ASTN1: variants seen among roughly 807,000 people sequenced by gnomAD.
ASTN1 encodes astrotactin 1, also known as astrotactin-1.
A neutral mutation model predicts 140.7 loss-of-function variants in ASTN1; 41 were observed. The observed-to-expected ratio is 0.29, with a 90% CI of 0.23 to 0.38. The LOEUF (loss-of-function observed/expected upper bound fraction) is 0.38, where lower values mean the gene tolerates loss of function less well. ASTN1 is among the 10% of genes least tolerant of loss of function. The pLI is 1.00. For missense variants in ASTN1, 1,479 were observed against 1,678.8 expected (o/e 0.88, Z 2.08); for synonymous variants, 640 against 652.2 (o/e 0.98, Z 0.29).
chr1:177,161,667 G>T (rs1300148733), intron 1 of ASTN1, among the ~76,000 whole-genome samples: 1 of 152,214 alleles, frequency 6.6e-6, no homozygotes, highest in Non-Finnish European at 1.5e-5. Flanking sequence ...CAATCAGAAT[G>T]AGAAGACCCT....
intron 11 of ASTN1, among the ~76,000 whole-genome samples, chr1:176,952,634 T>G (rs1672241349): frequency 6.6e-6 from 1 of 152,220 alleles, no homozygotes; most frequent in South Asian, 2.1e-4. Flanking sequence ...ATCCACATTC[T>G]GGGTTCCCTC....
At chr1:177,151,232 G>T (rs1459870317) in intron 1 of ASTN1, among the ~76,000 whole-genome samples, 3 of 151,812 alleles carry the variant, frequency 2.0e-5, no homozygotes, top group African/African-American at 7.2e-5. Context: ...CTTATGGTAG[G>T]GACTGCTATT....
chr1:176,934,072 TA>T, intron 16 of ASTN1, 79 bp downstream of exon 16: 1 of 1,398,834 alleles, frequency 7.1e-7, no homozygotes, highest in East Asian at 2.3e-5. Flanking sequence ...ACAGACTCCT[TA>T]AAATGGGTCT....
chr1:177,112,783 C>A (rs1343550694), intron 1 of ASTN1, among the ~76,000 whole-genome samples: 4 of 152,210 alleles, frequency 2.6e-5, no homozygotes, highest in Non-Finnish European at 4.4e-5. Context: ...CTTAGACAGT[C>A]CCTGGTAGCC....
chr1:176,939,208 C>T (rs1220896379), intron 14 of ASTN1, among the ~76,000 whole-genome samples: 1 of 152,146 alleles, frequency 6.6e-6, no homozygotes, highest in Non-Finnish European at 1.5e-5. Context: ...ACCCTCCCTA[C>T]CTCTCTCTCA....
chr1:177,076,292 A>AAG (rs1553253133), intron 1 of ASTN1, among the ~76,000 whole-genome samples: 10 of 149,662 alleles, frequency 6.7e-5, no homozygotes, highest in African/African-American at 2.5e-4. Flanking sequence ...AAAAAAAAAA[A>AAG]AAAGAAAGAA....
At position 177,069,201 on chromosome 1, in the gene ASTN1, A is replaced by G. The variant is rs77152041; in HGVS notation, c.284-7936T>C. Among the ~76,000 whole-genome samples, 1,181 of 152,222 alleles carry G rather than the reference A, an allele frequency of 7.8e-3. 17 individuals carry two copies. Among genetic ancestry groups the G allele is most frequent in the African/African-American group, 0.027 (1,131 of 41,536 alleles). On this transcript the variant is annotated intron_variant, in intron 1 of 22. Transcript: ENST00000361833. ...ATCAACAGTCCCCAGTAAGAAAAAG[A>G]TCACCCACATATAGATGCTTCCAAA...
At chr1:176,941,236 T>C (rs1008331863) in intron 14 of ASTN1, among the ~76,000 whole-genome samples, 5 of 152,204 alleles carry the variant, frequency 3.3e-5, no homozygotes, top group African/African-American at 1.2e-4. Context: ...GCCAAGTATC[T>C]CTTTAATAGA....
In ASTN1 at chr1:176,863,088, G is replaced by T; in HGVS notation, c.*1196C>A. On this transcript the variant is annotated 3_prime_UTR_variant, in exon 23 of 23. Transcript: ENST00000361833. ...GACCATGCCAATGCTTGGGCAGTGGGATGGAAACAACACTCTAGATGTTAA... is the reference window on the plus strand; with the variant it reads ...GACCATGCCAATGCTTGGGCAGTGGTATGGAAACAACACTCTAGATGTTAA... The T allele has an allele frequency of 1.0e-6, 1 of 985,670 alleles. No individual in the cohort carries two copies. Among genetic ancestry groups the T allele is most frequent in the Non-Finnish European group, 1.2e-6 (1 of 829,924 alleles). The allele number at this position is 985,670 out of a possible 1,614,324, so 61.1% of individuals were successfully genotyped here.
intron 1 of ASTN1, among the ~76,000 whole-genome samples, chr1:177,064,211 T>C (rs1195499192): frequency 6.6e-6 from 1 of 152,144 alleles, no homozygotes; most frequent in Non-Finnish European, 1.5e-5. Context: ...GACAGCACAC[T>C]TGAGTAGCTA....
chr1:177,061,161 T>G lies in ASTN1; in HGVS notation c.388A>C (p.Ser130Arg). 6.2e-7 allele frequency: 1 copy of G among 1,611,856 alleles called. No individual in the cohort carries two copies. Among genetic ancestry groups the G allele is most frequent in the Non-Finnish European group, 8.5e-7 (1 of 1,179,094 alleles). ...TCAGTGGGGTCTTGTCCAGGAAGGC[T>G]TGGGGCACCATCTTGGTGATGAATG... Reference protein sequence around the residue: ...FHIHHQDGAPSLPGQDPTEEP... With the variant: ...FHIHHQDGAPRLPGQDPTEEP... The change falls in exon 2 of 23, where the codon AGC becomes CGC. Residue 130 changes from serine to arginine, a missense_variant. By Grantham distance (110) the Ser-to-Arg change is moderately radical. Around this residue, in one of 3 missense-constraint regions of ASTN1, gnomAD observed 729 missense variants for 860.4 expected, o/e 0.85. Coordinates refer to ENST00000361833, the MANE Select transcript of ASTN1 (RefSeq NM_004319.3).
chr1:177,073,337 T>C (rs1388160474), intron 1 of ASTN1, among the ~76,000 whole-genome samples: 1 of 152,070 alleles, frequency 6.6e-6, no homozygotes, highest in Non-Finnish European at 1.5e-5. Flanking sequence ...GCGATTGTAC[T>C]ATACTTTGGG....
At chr1:176,916,929 C>T (rs1293529438) in intron 16 of ASTN1, among the ~76,000 whole-genome samples, 2 of 152,130 alleles carry the variant, frequency 1.3e-5, no homozygotes, top group Admixed American at 1.3e-4. Flanking sequence ...CTCTCTCCAG[C>T]CTCACTTCCC....
intron 1 of ASTN1, among the ~76,000 whole-genome samples, chr1:177,069,069 C>T (rs1285664542): frequency 6.6e-6 from 1 of 152,052 alleles, no homozygotes; most frequent in Admixed American, 6.6e-5. Flanking sequence ...ATCTGCCCAC[C>T]TCAGCCTCTC....
chr1:177,032,693 C>T lies in ASTN1; in HGVS notation c.628G>A (p.Gly210Ser), dbSNP rs751815220. Reference sequence around the variant, plus strand: ...CGCAGGCTCTCCCGTCCGTGCCCGCCGATCAGCACAGAAGGAATGTAGTGA... The same window carrying T: ...CGCAGGCTCTCCCGTCCGTGCCCGCTGATCAGCACAGAAGGAATGTAGTGA... The part of the protein sequence containing the change: ...EIHYIPSVLI[G>S]GHGRESLRNA... Residue 210 changes from glycine to serine, a missense_variant, in exon 3 of 23, where the codon GGC becomes AGC. This residue lies in a region of ASTN1 where 729 missense variants were observed against 860.4 expected (regional missense o/e 0.85). Transcript: ENST00000361833. The T allele has an allele frequency of 3.1e-6, 5 of 1,613,934 alleles. No individual in the cohort carries two copies. Among genetic ancestry groups the T allele is most frequent in the African/African-American group, 1.3e-5 (1 of 74,898 alleles).
intron 16 of ASTN1, among the ~76,000 whole-genome samples, chr1:176,905,259 G>A (rs1427709434): frequency 5.9e-5 from 9 of 152,110 alleles, no homozygotes; most frequent in Admixed American, 5.9e-4. Context: ...TCTGTGTGAG[G>A]GTGCCTGATA....
chr1:177,055,740 A>C (rs1442194029), intron 2 of ASTN1, among the ~76,000 whole-genome samples: 1 of 152,250 alleles, frequency 6.6e-6, no homozygotes, highest in African/African-American at 2.4e-5. Context: ...TTTGTTGCTT[A>C]AAGATGAGAA....
At chr1:177,150,092 T>C (rs147256759) in intron 1 of ASTN1, among the ~76,000 whole-genome samples, 138 of 151,954 alleles carry the variant, frequency 9.1e-4, no homozygotes, top group African/African-American at 3.3e-3. Flanking sequence ...AGTTTGTGTG[T>C]TGGAGATGTA....
rs566252927 is a variant in ASTN1 at position 177,009,734 on chromosome 1, A to C, written c.1523+5057T>G. Among the ~76,000 whole-genome samples the C allele has an allele frequency of 4.9e-4, 74 of 152,336 alleles. 1 individual carries two copies. The highest frequency in any genetic ancestry group is 3.4e-3 in the Middle Eastern group (1 of 294). On this transcript the variant is annotated intron_variant, in intron 8 of 22. Coordinates refer to ENST00000361833, the MANE Select transcript of ASTN1 (RefSeq NM_004319.3). ...TCCAGAGCAGGCAGTGTAAGGAAGA[A>C]GTACTCTGATGGGCAGGACCATTCC... is the stretch of plus-strand genomic sequence containing the variant.
Sources: gnomAD v4.1 joint callset for allele counts (sites outside exome capture counted in the v4.1 genomes callset) on GRCh38, gnomAD v4.1.1 for gene constraint, gnomAD v4.1.1 regional missense constraint, MANE v1.5 for transcripts, NCBI Gene and HGNC (gene_info 2026-07-23, HGNC 2026-07-21) for gene names.